NT5C2: variants seen among roughly 807,000 people sequenced by gnomAD.
NT5C2 encodes cytosolic purine 5'-nucleotidase.
Under a neutral mutation model 76.1 loss-of-function variants are expected in NT5C2, and 58 were observed. The observed-to-expected ratio is 0.76, with a 90% CI of 0.62 to 0.95. The LOEUF is 0.95. Among genes scored for constraint, NT5C2 ranks in the 40% least tolerant of loss-of-function variants. The pLI is 0.00. For synonymous variants in NT5C2, 229 were observed against 237.4 expected, an observed-to-expected ratio of 0.96 and a Z score of 0.32; for missense variants, 478 against 690.3, an observed-to-expected ratio of 0.69 and a Z score of 3.45.
chr10:103,153,304 T>A (rs1229077063), intron 3 of NT5C2: 4 of 1,281,840 alleles, frequency 3.1e-6, no homozygotes, highest in Non-Finnish European at 4.1e-6. Context: ...TCCTTAGACA[T>A]TCTCAAAGAT....
At chr10:103,182,754 T>G (rs2091304444) in intron 1 of NT5C2, among the ~76,000 whole-genome samples, 1 of 152,224 alleles carries the variant, frequency 6.6e-6, no homozygotes, top group Non-Finnish European at 1.5e-5. Flanking sequence ...TCTTCAAATT[T>G]TCTCACCAGC....
intron 1 of NT5C2, among the ~76,000 whole-genome samples, chr10:103,192,886 G>A (rs1306165231): frequency 2.0e-5 from 3 of 152,222 alleles, no homozygotes; most frequent in Non-Finnish European, 4.4e-5. Flanking sequence ...AGGGCGGAAC[G>A]CGGCGAACGG....
At position 103,090,711 on chromosome 10, in the gene NT5C2, A is replaced by T; in HGVS notation, c.1349T>A (p.Phe450Tyr). The T allele has an allele frequency of 1.9e-6, 3 of 1,614,206 alleles. No homozygotes were observed. Among genetic ancestry groups the T allele is most frequent in the Non-Finnish European group, 2.5e-6 (3 of 1,180,028 alleles). Reference sequence around the variant, plus strand: ...AGCATAACGCATCACTTGACTGGCAAAAAGGGTCTGCCGGGAGCCACTGCG... The same window carrying T: ...AGCATAACGCATCACTTGACTGGCATAAAGGGTCTGCCGGGAGCCACTGCG... ...LFRSGSRQTL[F>Y]ASQVMRYADL... The change falls in exon 18 of 19, where the codon TTT (phenylalanine) becomes TAT (tyrosine). Residue 450 changes from phenylalanine (F) to tyrosine (Y), a missense_variant. Phe to Tyr is a conservative substitution (Grantham distance 22). Coordinates refer to ENST00000404739, the MANE Select transcript of NT5C2 (RefSeq NM_001351169.2).
rs1565290597 is a variant in NT5C2 at position 103,174,977 on chromosome 10, T to A, written c.-19A>T. ...TTGACATTTTATTTTAACTGTATTT[T>A]GTATTCTAGAAAAGAAAATCATTAA... On this transcript the variant is annotated 5_prime_UTR_variant, in exon 3 of 19. Transcript: ENST00000404739. The A allele has an allele frequency of 1.3e-6, 2 of 1,496,138 alleles. No individual in the cohort carries two copies. 92.7% of individuals were successfully genotyped at this position (1,496,138 alleles called of 1,614,324 possible). A position where few individuals can be genotyped will look rare whatever the true frequency, so the allele number is the denominator to read the frequency against.
intron 3 of NT5C2, among the ~76,000 whole-genome samples, chr10:103,142,534 G>A (rs1257203880): frequency 6.6e-6 from 1 of 152,136 alleles, no homozygotes; most frequent in African/African-American, 2.4e-5. Context: ...AGCTGGGTGT[G>A]GTGGCACATG....
chr10:103,182,208 T>G (rs2091203166), intron 1 of NT5C2, among the ~76,000 whole-genome samples: 1 of 152,192 alleles, frequency 6.6e-6, no homozygotes, highest in Non-Finnish European at 1.5e-5. Flanking sequence ...AGCAGGTCTA[T>G]CAGGCAGTGT....
At position 103,091,000 on chromosome 10, in the gene NT5C2, A is replaced by AAGAT. The variant is rs774176510; in HGVS notation, c.1212-8_1212-5dup. Reference sequence around the variant, plus strand: ...ATTGCTACTGCTGTCAAGATGCCTAAAGATAAAAGAAAAACTCAGTGAAAA... The same window carrying AAGAT: ...ATTGCTACTGCTGTCAAGATGCCTAAAGATAGATAAAAGAAAAACTCAGTGAAAA... On this transcript the variant is annotated splice_polypyrimidine_tract_variant and splice_region_variant and intron_variant, in intron 16 of 18. Coordinates refer to ENST00000404739, the MANE Select transcript of NT5C2 (RefSeq NM_001351169.2). 3 of 1,612,396 alleles carry AAGAT rather than the reference A, an allele frequency of 1.9e-6. No individual in the cohort carries two copies. Among genetic ancestry groups the AAGAT allele is most frequent in the Admixed American group, 3.3e-5 (2 of 60,016 alleles).
At chr10:103,191,959 T>C (rs992980061) in intron 1 of NT5C2, among the ~76,000 whole-genome samples, 2 of 146,708 alleles carry the variant, frequency 1.4e-5, no homozygotes, top group African/African-American at 5.2e-5. Flanking sequence ...TTTTTGTTCT[T>C]TTTTTTTTTT....
At chr10:103,185,994 C>T (rs7077291) in intron 1 of NT5C2, among the ~76,000 whole-genome samples, 62,127 of 152,016 alleles carry the variant, frequency 0.41, 12,882 homozygotes, top group East Asian at 0.53. Flanking sequence ...TTCTAAGCAG[C>T]ATAGTACATA....
chr10:103,095,122 G>C (rs762582304), intron 12 of NT5C2, among the ~76,000 whole-genome samples: 10 of 152,198 alleles, frequency 6.6e-5, no homozygotes, highest in Non-Finnish European at 1.5e-4. Flanking sequence ...GATTAAGACA[G>C]AGGCAGGCAT....
chr10:103,158,187 A>T (rs1232008644), intron 3 of NT5C2, among the ~76,000 whole-genome samples: 1 of 152,134 alleles, frequency 6.6e-6, no homozygotes, highest in Non-Finnish European at 1.5e-5. Context: ...CAATTTAACG[A>T]AAAAAAGGAC....
chr10:103,140,299 A>C (rs1239999316), intron 3 of NT5C2: 1 of 152,074 alleles, frequency 6.6e-6, no homozygotes, highest in Non-Finnish European at 1.5e-5. Flanking sequence ...ATCATGCAGT[A>C]TTCTTTGGTG....
At chr10:103,188,199 T>C (rs1218323775) in intron 1 of NT5C2, among the ~76,000 whole-genome samples, 4 of 151,414 alleles carry the variant, frequency 2.6e-5, no homozygotes, top group Admixed American at 6.6e-5. Context: ...CCACTAAAAA[T>C]ACAAAAAAAT....
intron 4 of NT5C2, among the ~76,000 whole-genome samples, chr10:103,120,181 C>A (rs1241492049): frequency 1.3e-5 from 2 of 151,766 alleles, no homozygotes; most frequent in Non-Finnish European, 2.9e-5. Flanking sequence ...CTATAAAACT[C>A]TTAGAAGAAA....
intron 4 of NT5C2, among the ~76,000 whole-genome samples, chr10:103,130,264 T>C (rs2077871567): frequency 6.6e-6 from 1 of 151,868 alleles, no homozygotes; most frequent in African/African-American, 2.4e-5. Context: ...CCCCCAACCC[T>C]GTGCTCTCTG....
intron 3 of NT5C2, among the ~76,000 whole-genome samples, chr10:103,167,746 C>T (rs1303504605): frequency 6.6e-6 from 1 of 151,494 alleles, no homozygotes; most frequent in Admixed American, 6.6e-5. Flanking sequence ...ATCCTCCCGC[C>T]TTAGACTCCT....
intron 1 of NT5C2, among the ~76,000 whole-genome samples, chr10:103,184,780 T>C (rs577501644): frequency 2.0e-5 from 3 of 152,336 alleles, no homozygotes; most frequent in East Asian, 3.9e-4. Context: ...AATATTTTGC[T>C]AACATTTCAA....
intron 3 of NT5C2, chr10:103,153,404 T>C: frequency 8.7e-7 from 1 of 1,153,774 alleles, no homozygotes; most frequent in Non-Finnish European, 1.1e-6. Context: ...CACAGAGAAC[T>C]CAGGCCCTGA....
intron 2 of NT5C2, among the ~76,000 whole-genome samples, chr10:103,179,430 GAGTAA>G (rs376478123): frequency 2.1e-4 from 32 of 152,206 alleles, no homozygotes; most frequent in East Asian, 1.5e-3. Flanking sequence ...TCAGAGACCT[GAGTAA>G]AGTAAAGGAG....
Sources: allele counts gnomAD v4.1 joint callset (sites outside exome capture counted in the v4.1 genomes callset), GRCh38; gene constraint gnomAD v4.1.1; transcripts MANE v1.5; gene names NCBI Gene and HGNC (gene_info 2026-07-23, HGNC 2026-07-21).